The following NBPF4 variants were observed in gnomAD, a reference collection of about 807,000 sequenced individuals.
The protein encoded by NBPF4 is NBPF family member NBPF4.
In NBPF4, 11 loss-of-function variants were observed where a neutral mutation model predicts 21.1. The observed-to-expected ratio is 0.52, with a 90% CI of 0.33 to 0.86. The LOEUF (loss-of-function observed/expected upper bound fraction) is 0.86. Among genes scored for constraint, NBPF4 ranks in the 40% least tolerant of loss-of-function variants. The probability of loss-of-function intolerance (pLI) is 0.03; values close to 1 mark genes in which losing one functional copy is unlikely to be tolerated. For missense variants in NBPF4, 88 were observed against 265.3 expected (o/e 0.33, Z 4.64); for synonymous variants, 47 against 106.4 (o/e 0.44, Z 3.43).
the NBPF4 span, among the ~76,000 whole-genome samples, chr1:108,257,792 G>T: frequency 9.8e-6 from 1 of 101,746 alleles, no homozygotes; most frequent in African/African-American, 4.1e-5. Flanking sequence ...TTTTGAGACA[G>T]AGCCTCATTC....
intron 14 of NBPF4, among the ~76,000 whole-genome samples, chr1:108,224,981 A>C (rs1361423573): frequency 7.3e-6 from 1 of 136,758 alleles, no homozygotes; most frequent in East Asian, 2.3e-4. Context: ...ACCAAAAGTA[A>C]AATTTTCACA....
intron 12 of NBPF4, 47 bp from the exon 13 acceptor site, chr1:108,229,203 T>G: frequency 7.0e-7 from 1 of 1,433,570 alleles, no homozygotes. Context: ...GTTTTCCCTT[T>G]GTTAAGTCAT....
chr1:108,266,076 G>A, the NBPF4 span, among the ~76,000 whole-genome samples: 1 of 131,640 alleles, frequency 7.6e-6, no homozygotes, highest in Admixed American at 7.8e-5. Context: ...AAATAATGAA[G>A]CTCAAAGTGA....
In NBPF4 at chr1:108,223,473, C is replaced by T; in HGVS notation, c.*232G>A. ...GAAACAGGGCTAACGCCGGTCAATG[C>T]TATTTGTCCATCTGGGCATTGGTCT... On this transcript the variant is annotated 3_prime_UTR_variant, in exon 15 of 15. Coordinates refer to ENST00000415641, the MANE Select transcript of NBPF4 (RefSeq NM_001143989.3). 1 of 543,594 alleles carries T rather than the reference C, an allele frequency of 1.8e-6. No individual in the cohort carries two copies. The highest frequency in any genetic ancestry group is 3.2e-5 in the East Asian group (1 of 30,944). The allele number at this position is 543,594 out of a possible 1,614,324, so 33.7% of individuals were successfully genotyped here.
Position 108,226,676 on chromosome 1 carries a change from T to G in NBPF4, c.1875+3A>C. 7.5e-7 allele frequency: 1 copy of G among 1,327,208 alleles called. No individual in the cohort carries two copies. The highest frequency in any genetic ancestry group is 1.7e-5 in the South Asian group (1 of 59,218). The allele number at this position is 1,327,208 out of a possible 1,614,324, so 82.2% of individuals were successfully genotyped here. On this transcript the variant is annotated splice_donor_region_variant and intron_variant, in intron 14 of 14. Transcript: ENST00000415641. ...TGCAGCTATCAGCCATAGATGTGAT[T>G]ACCTCTGCGCTCTCAGCATGCGGGC...
intron 9 of NBPF4, among the ~76,000 whole-genome samples, chr1:108,234,797 G>A (rs1649662236): frequency 1.2e-5 from 1 of 84,710 alleles, no homozygotes; most frequent in African/African-American, 5.4e-5. Context: ...TAGGTTTTGA[G>A]GCATAATCGT....
At chr1:108,235,047 C>A (rs1293146849) in intron 9 of NBPF4, among the ~76,000 whole-genome samples, 189 bp downstream of exon 9, 2 of 34,962 alleles carry the variant, frequency 5.7e-5, no homozygotes, top group Non-Finnish European at 9.3e-5. Context: ...ATGTACTGAA[C>A]TTAAGAAGTT....
rs554015823 is a variant in NBPF4, at chr1:108,228,377, CAG to C, written c.1660+541_1660+542del. ...ATAGGTTGTTATTGAAAGTGCCTGA[CAG>C]GGGAAAATTGGCTTCATGAGGGATG... On this transcript the variant is annotated intron_variant, in intron 13 of 14. Coordinates refer to ENST00000415641, the MANE Select transcript of NBPF4 (RefSeq NM_001143989.3). 4.9e-3 allele frequency among the ~76,000 whole-genome samples: 684 copies of C among 139,616 alleles called. 2 individuals are homozygous for C. Among genetic ancestry groups the C allele is most frequent in the African/African-American group, 0.017 (645 of 37,556 alleles). The allele number at this position is 139,616 out of a possible 152,430, so 91.6% of individuals were successfully genotyped here.
the NBPF4 span, among the ~76,000 whole-genome samples, chr1:108,257,260 T>TA: frequency 7.0e-6 from 1 of 143,098 alleles, no homozygotes; most frequent in East Asian, 2.0e-4. Flanking sequence ...GTATGTGTGA[T>TA]AATTTGATAA....
At chr1:108,229,356 TG>T (rs1216819907) in intron 12 of NBPF4, among the ~76,000 whole-genome samples, 200 bp from the exon 13 acceptor site, 79 of 148,548 alleles carry the variant, frequency 5.3e-4, no homozygotes, top group Admixed American at 7.4e-4. Flanking sequence ...GGGCCCAGGC[TG>T]GGGTGTCCCT....
the NBPF4 span, among the ~76,000 whole-genome samples, chr1:108,257,911 GC>G: frequency 7.0e-6 from 1 of 142,850 alleles, no homozygotes; most frequent in Non-Finnish European, 1.5e-5. Flanking sequence ...ACCATGCCCG[GC>G]TAAGTTTTCG....
At chr1:108,268,448 C>T in the NBPF4 span, among the ~76,000 whole-genome samples, 3 of 152,150 alleles carry the variant, frequency 2.0e-5, no homozygotes, top group South Asian at 2.1e-4. Context: ...AACAAAAAGA[C>T]GCATATAGCA....
the NBPF4 span, among the ~76,000 whole-genome samples, chr1:108,258,796 A>G: frequency 1.0e-5 from 1 of 95,736 alleles, no homozygotes; most frequent in South Asian, 4.3e-4. Flanking sequence ...TTATTTTAAA[A>G]TTTAGTATTC....
upstream of NBPF4, among the ~76,000 whole-genome samples, chr1:108,246,307 A>G (rs1438227888): frequency 1.6e-5 from 2 of 126,324 alleles, no homozygotes; most frequent in East Asian, 5.0e-4. Flanking sequence ...TACAACATAT[A>G]TTTTATGTAT....
In NBPF4 at chr1:108,223,764, A is replaced by G. The variant is rs765928525; in HGVS notation, c.1876-18T>C. On this transcript the variant is annotated intron_variant, in intron 14 of 14. Coordinates refer to ENST00000415641, the MANE Select transcript of NBPF4 (RefSeq NM_001143989.3). Reference sequence around the variant, plus strand: ...TTTGGTATCTGTAGGGGAGAGAGAGAAAAAAAATCAAATGAGCATTTTTGT... The same window carrying G: ...TTTGGTATCTGTAGGGGAGAGAGAGGAAAAAAATCAAATGAGCATTTTTGT... 7 of 1,547,486 alleles carry G rather than the reference A, an allele frequency of 4.5e-6. No individual in the cohort carries two copies. In the South Asian group the frequency reaches 6.0e-5, roughly 13 times the overall value.
chr1:108,259,804 A>G, the NBPF4 span, among the ~76,000 whole-genome samples: 1 of 151,612 alleles, frequency 6.6e-6, no homozygotes, highest in East Asian at 1.9e-4. Context: ...ATCTCTTATT[A>G]TCATAAGATG....
upstream of NBPF4, among the ~76,000 whole-genome samples, chr1:108,244,918 A>G (rs1649783841): frequency 2.4e-5 from 1 of 42,082 alleles, no homozygotes; most frequent in African/African-American, 9.7e-5. Flanking sequence ...ATATATATAT[A>G]TATATATATA....
upstream of NBPF4, among the ~76,000 whole-genome samples, chr1:108,247,831 CTTTTTTTTTT>C (rs61276485): frequency 2.3e-5 from 2 of 85,208 alleles, no homozygotes; most frequent in Non-Finnish European, 4.6e-5. Flanking sequence ...GTGTGAGATG[CTTTTTTTTTT>C]TTTTTTTTGA....
the NBPF4 span, among the ~76,000 whole-genome samples, chr1:108,263,439 GGGGA>G: frequency 7.1e-6 from 1 of 141,140 alleles, no homozygotes; most frequent in Admixed American, 6.9e-5. Flanking sequence ...TGAAAGAGTT[GGGGA>G]GAATGGAACC....
Sources: gnomAD v4.1 joint callset for allele counts (sites outside exome capture counted in the v4.1 genomes callset) on GRCh38, gnomAD v4.1.1 for gene constraint, MANE v1.5 for transcripts, NCBI Gene and HGNC (gene_info 2026-07-23, HGNC 2026-07-21) for gene names.